The following PUM3 variants were observed in gnomAD, a reference collection of about 807,000 sequenced individuals.
The protein encoded by PUM3 is pumilio homolog 3.
Under a neutral mutation model 84.0 loss-of-function variants are expected in PUM3, and 91 were observed. The ratio of observed to expected loss-of-function variants is 1.08; its 90% CI spans 0.91 to 1.29. The LOEUF (loss-of-function observed/expected upper bound fraction) is 1.29, where lower values mean the gene tolerates loss of function less well. Among genes scored for constraint, PUM3 ranks in the 50% most tolerant of loss-of-function variants. The pLI, the probability that PUM3 is intolerant of heterozygous loss-of-function variation, is 0.00. For missense variants in PUM3, 1,067 were observed against 767.5 expected (o/e 1.39, Z -4.61); for synonymous variants, 321 against 266.7 (o/e 1.20, Z -1.98).
At chr9:2,823,474 T>A (rs1313905949) in intron 12 of PUM3, among the ~76,000 whole-genome samples, 1 of 152,110 alleles carries the variant, frequency 6.6e-6, no homozygotes, top group African/African-American at 2.4e-5. Context: ...ATTCCCATAT[T>A]TAATTAACAT....
intron 17 of PUM3, among the ~76,000 whole-genome samples, chr9:2,807,600 CAAAAAAAA>C (rs71329449): frequency 4.5e-5 from 3 of 67,116 alleles, no homozygotes; most frequent in African/African-American, 1.3e-4. Context: ...GACTCCATCT[CAAAAAAAA>C]AAAAAAAAAA....
At position 2,810,441 on chromosome 9, in the gene PUM3, G is replaced by C. The variant is rs1317969879; in HGVS notation, c.1636-10C>G. 3 of 1,564,424 alleles carry C rather than the reference G, an allele frequency of 1.9e-6. No homozygotes were observed. The highest frequency in any genetic ancestry group is 2.6e-6 in the Non-Finnish European group (3 of 1,149,720). On this transcript the variant is annotated splice_polypyrimidine_tract_variant and intron_variant, in intron 15 of 17. Transcript: ENST00000397885. ...GTTCTGCAATGTGAAGCTATGAAGGGTCAAGAACAGTTAATTTTAAAAGTT... is the reference window on the plus strand; with the variant it reads ...GTTCTGCAATGTGAAGCTATGAAGGCTCAAGAACAGTTAATTTTAAAAGTT...
intron 13 of PUM3, among the ~76,000 whole-genome samples, chr9:2,819,115 G>A (rs925183039): frequency 2.0e-5 from 3 of 152,188 alleles, no homozygotes; most frequent in African/African-American, 7.2e-5. Context: ...TGGTTTTCCA[G>A]ACGTTTCCAA....
chr9:2,828,568 T>A (rs1445052099), intron 9 of PUM3, 107 bp downstream of exon 9: 1 of 682,550 alleles, frequency 1.5e-6, no homozygotes, highest in Non-Finnish European at 2.6e-6. Context: ...TAGAATAGAT[T>A]AATACTTGTA....
At chr9:2,822,660 G>C (rs1288538024) in intron 12 of PUM3, among the ~76,000 whole-genome samples, 1 of 149,500 alleles carries the variant, frequency 6.7e-6, no homozygotes, top group African/African-American at 2.4e-5. Flanking sequence ...AAATTAGAAT[G>C]TCACGCAAAA....
intron 10 of PUM3, among the ~76,000 whole-genome samples, chr9:2,825,494 T>G (rs191645263): frequency 4.7e-4 from 72 of 152,298 alleles, no homozygotes; most frequent in Middle Eastern, 3.4e-3. Context: ...ATTTTCTTTT[T>G]TTTTTGGAGA....
chr9:2,823,870 T>C, intron 11 of PUM3, 36 bp from the exon 12 acceptor site: 1 of 1,194,508 alleles, frequency 8.4e-7, no homozygotes, highest in African/African-American at 1.5e-5. Flanking sequence ...GAATTTTCAG[T>C]TATGTATTAA....
chr9:2,817,110 G>C (rs1821485650), intron 13 of PUM3, among the ~76,000 whole-genome samples: 5 of 152,172 alleles, frequency 3.3e-5, no homozygotes, highest in Middle Eastern at 6.8e-3. Flanking sequence ...ATGTACCCAA[G>C]GAAATATACA....
chr9:2,836,809 G>C (rs1816133633), intron 3 of PUM3, among the ~76,000 whole-genome samples: 1 of 151,924 alleles, frequency 6.6e-6, no homozygotes, highest in Non-Finnish European at 1.5e-5. Context: ...TTGTGTGTGT[G>C]CGTGTGTGTG....
chr9:2,818,549 G>A (rs1330152290), intron 13 of PUM3, among the ~76,000 whole-genome samples: 5 of 152,146 alleles, frequency 3.3e-5, no homozygotes, highest in Non-Finnish European at 5.9e-5. Flanking sequence ...ATCCCAGCCT[G>A]TTTCCATTTC....
intron 17 of PUM3, 131 bp downstream of exon 17, chr9:2,807,683 C>A: frequency 4.3e-6 from 2 of 465,936 alleles, no homozygotes; most frequent in African/African-American, 2.1e-5. Context: ...GTATGTTTGT[C>A]TAGACCATGA....
chr9:2,839,736 G>C (rs188634527), intron 1 of PUM3, among the ~76,000 whole-genome samples: 3 of 152,172 alleles, frequency 2.0e-5, no homozygotes, highest in African/African-American at 7.2e-5. Flanking sequence ...TTATTACTTG[G>C]CTATGGCCAT....
chr9:2,839,368 T>C (rs562504643), intron 1 of PUM3, among the ~76,000 whole-genome samples: 2 of 152,162 alleles, frequency 1.3e-5, no homozygotes, highest in Admixed American at 6.5e-5. Context: ...TAGATTAGAA[T>C]TGCCCATTCA....
At chr9:2,835,507 A>C (rs756386009) in intron 3 of PUM3, among the ~76,000 whole-genome samples, 31 of 152,190 alleles carry the variant, frequency 2.0e-4, no homozygotes, top group Non-Finnish European at 3.7e-4. Context: ...CATAATTTTT[A>C]ATGGCTATCC....
intron 13 of PUM3, among the ~76,000 whole-genome samples, chr9:2,818,881 C>G (rs1821527837): frequency 1.3e-5 from 2 of 152,204 alleles, no homozygotes; most frequent in African/African-American, 4.8e-5. Context: ...ACTTTTTCTA[C>G]TACACTCAGC....
intron 16 of PUM3, 160 bp from the exon 17 acceptor site, chr9:2,808,064 G>T (rs573881708): frequency 3.5e-6 from 2 of 576,332 alleles, no homozygotes; most frequent in Non-Finnish European, 6.1e-6. Flanking sequence ...TTCCAGTGCA[G>T]GTTTATCTAA....
chr9:2,817,675 T>G (rs1235216114), intron 13 of PUM3, among the ~76,000 whole-genome samples: 2 of 152,142 alleles, frequency 1.3e-5, no homozygotes, highest in East Asian at 1.9e-4. Context: ...AATACCAAAT[T>G]TATCATAGTA....
At chr9:2,837,467 T>C (rs1028651574) in intron 2 of PUM3, 66 bp from the exon 3 acceptor site, 3 of 1,036,006 alleles carry the variant, frequency 2.9e-6, no homozygotes, top group African/African-American at 1.6e-5. Flanking sequence ...TATTGGATTA[T>C]ATCCATTACA....
intron 1 of PUM3, among the ~76,000 whole-genome samples, chr9:2,838,805 A>G (rs1056812054): frequency 7.9e-5 from 12 of 152,218 alleles, no homozygotes; most frequent in African/African-American, 2.9e-4. Flanking sequence ...AGTACTGGCT[A>G]AAAATAGACC....
Sources: allele counts gnomAD v4.1 joint callset (sites outside exome capture counted in the v4.1 genomes callset), GRCh38; gene constraint gnomAD v4.1.1; transcripts MANE v1.5; gene names NCBI Gene and HGNC (gene_info 2026-07-23, HGNC 2026-07-21).